KCNJ3: variants seen among roughly 807,000 people sequenced by gnomAD.
KCNJ3 encodes potassium inwardly rectifying channel subfamily J member 3.
KCNJ3 carries 4 observed loss-of-function variants against 39.2 expected under a neutral mutation model. The observed-to-expected ratio is 0.10, with a 90% CI of 0.05 to 0.23. KCNJ3 has a LOEUF of 0.23. Among genes scored for constraint, KCNJ3 ranks in the 10% least tolerant of loss-of-function variants. The pLI, the probability that KCNJ3 is intolerant of heterozygous loss-of-function variation, is 1.00. For synonymous variants in KCNJ3, 230 were observed against 237.4 expected (o/e 0.97, Z 0.29); for missense variants, 276 against 634.9 (o/e 0.43, Z 6.08).
chr2:154,781,450 T>A (rs566447286), intron 2 of KCNJ3, among the ~76,000 whole-genome samples: 16 of 152,196 alleles, frequency 1.1e-4, no homozygotes, highest in Non-Finnish European at 1.9e-4. Flanking sequence ...AAGGAGGTCT[T>A]ACCTTTGAAT....
chr2:154,719,603 T>C (rs1685234074), intron 2 of KCNJ3, among the ~76,000 whole-genome samples: 1 of 152,150 alleles, frequency 6.6e-6, no homozygotes, highest in African/African-American at 2.4e-5. Context: ...TCCTTGAAAC[T>C]GCTACACACT....
At chr2:154,729,930 G>A (rs545871080) in intron 2 of KCNJ3, among the ~76,000 whole-genome samples, 6 of 152,138 alleles carry the variant, frequency 3.9e-5, no homozygotes, top group South Asian at 2.1e-4. Context: ...TTCAGAAGCA[G>A]GCAGTCAGGC....
At chr2:154,722,429 A>G (rs930903359) in intron 2 of KCNJ3, among the ~76,000 whole-genome samples, 1 of 152,178 alleles carries the variant, frequency 6.6e-6, no homozygotes, top group South Asian at 2.1e-4. Context: ...AGAAGGGGGA[A>G]AAGAATATTA....
intron 2 of KCNJ3, among the ~76,000 whole-genome samples, chr2:154,729,759 G>C (rs1284701811): frequency 6.6e-6 from 1 of 152,100 alleles, no homozygotes; most frequent in African/African-American, 2.4e-5. Context: ...TAAAAACAGA[G>C]TGAATAAGAA....
intron 2 of KCNJ3, among the ~76,000 whole-genome samples, chr2:154,735,556 T>C (rs922157462): frequency 5.3e-5 from 8 of 152,214 alleles, no homozygotes; most frequent in Admixed American, 4.6e-4. Flanking sequence ...ATACGTTTAA[T>C]AAAATTCTCT....
intron 2 of KCNJ3, among the ~76,000 whole-genome samples, chr2:154,759,383 A>T (rs535446628): frequency 6.6e-6 from 1 of 150,716 alleles, no homozygotes; most frequent in Non-Finnish European, 1.5e-5. Context: ...TTTGCAATAT[A>T]CCTAAAGGAC....
At chr2:154,788,528 A>AT (rs1444222949) in intron 2 of KCNJ3, among the ~76,000 whole-genome samples, 3 of 152,026 alleles carry the variant, frequency 2.0e-5, no homozygotes, top group South Asian at 2.1e-4. Flanking sequence ...ATGTCTTATC[A>AT]TTTTTTCTCA....
chr2:154,817,093 T>C (rs1010810739), intron 2 of KCNJ3, among the ~76,000 whole-genome samples: 1 of 152,176 alleles, frequency 6.6e-6, no homozygotes, highest in Non-Finnish European at 1.5e-5. Flanking sequence ...ATCATTTGAG[T>C]GCATTAATTG....
chr2:154,723,745 T>C (rs1313813575), intron 2 of KCNJ3, among the ~76,000 whole-genome samples: 1 of 152,182 alleles, frequency 6.6e-6, no homozygotes, highest in Non-Finnish European at 1.5e-5. Flanking sequence ...TGCTCAGTAC[T>C]TCAGTAAAAA....
intron 2 of KCNJ3, among the ~76,000 whole-genome samples, chr2:154,757,764 C>A (rs938247266): frequency 2.6e-5 from 4 of 152,128 alleles, no homozygotes; most frequent in African/African-American, 7.2e-5. Context: ...CTGGTGAGGA[C>A]TCCCTCTCCA....
At chr2:154,782,550 G>C (rs892069364) in intron 2 of KCNJ3, among the ~76,000 whole-genome samples, 1 of 150,526 alleles carries the variant, frequency 6.6e-6, no homozygotes, top group African/African-American at 2.4e-5. Flanking sequence ...ATACACGCAG[G>C]CTTTCACATC....
chr2:154,742,807 CT>C (rs1235913868), intron 2 of KCNJ3, among the ~76,000 whole-genome samples: 1 of 151,660 alleles, frequency 6.6e-6, no homozygotes, highest in East Asian at 1.9e-4. Context: ...CAAATATTTT[CT>C]TTCATTCTGT....
intron 2 of KCNJ3, among the ~76,000 whole-genome samples, chr2:154,823,362 GGTAAA>G (rs1687215388): frequency 6.6e-6 from 1 of 151,370 alleles, no homozygotes; most frequent in South Asian, 2.1e-4. Context: ...AAGAGGCCAG[GGTAAA>G]GTAAAGAGAA....
chr2:154,760,886 G>A (rs1686028818), intron 2 of KCNJ3, among the ~76,000 whole-genome samples: 2 of 150,338 alleles, frequency 1.3e-5, no homozygotes, highest in Non-Finnish European at 1.5e-5. Flanking sequence ...ACAGGTGCCC[G>A]CCACCACACC....
intron 2 of KCNJ3, among the ~76,000 whole-genome samples, chr2:154,823,386 C>T (rs1379927147): frequency 7.0e-6 from 1 of 143,492 alleles, no homozygotes; most frequent in Admixed American, 7.3e-5. Context: ...AATTGCAGTA[C>T]CGTAGAAACT....
chr2:154,775,162 C>T (rs1377495391), intron 2 of KCNJ3, among the ~76,000 whole-genome samples: 1 of 152,180 alleles, frequency 6.6e-6, no homozygotes, highest in African/African-American at 2.4e-5. Flanking sequence ...AGCAATCAGT[C>T]CACCTCAGCC....
intron 1 of KCNJ3, among the ~76,000 whole-genome samples, chr2:154,708,554 TC>T (rs34354683): frequency 6.6e-6 from 1 of 152,036 alleles, no homozygotes; most frequent in Non-Finnish European, 1.5e-5. Flanking sequence ...TGCTCCACCT[TC>T]CCCCCATTTT....
At chr2:154,730,751 C>G (rs1685435358) in intron 2 of KCNJ3, among the ~76,000 whole-genome samples, 1 of 151,998 alleles carries the variant, frequency 6.6e-6, no homozygotes, top group Admixed American at 6.6e-5. Flanking sequence ...ATGAGAAGCT[C>G]TTTTCTCTCC....
intron 2 of KCNJ3, among the ~76,000 whole-genome samples, chr2:154,846,192 T>G (rs1687660103): frequency 6.6e-6 from 1 of 151,216 alleles, no homozygotes; most frequent in Non-Finnish European, 1.5e-5. Context: ...TTTTACTCAC[T>G]TCATTATATA....
Sources: gnomAD v4.1 joint callset for allele counts (sites outside exome capture counted in the v4.1 genomes callset) on GRCh38, gnomAD v4.1.1 for gene constraint, MANE v1.5 for transcripts, NCBI Gene and HGNC (gene_info 2026-07-23, HGNC 2026-07-21) for gene names.